The following DCC variants were observed in gnomAD, a reference collection of about 807,000 sequenced individuals.
The protein encoded by DCC is DCC netrin 1 receptor, also known as netrin receptor DCC.
In DCC, 58 loss-of-function variants were observed where a neutral mutation model predicts 172.5. That is an observed-to-expected ratio of 0.34 (90% CI 0.27 to 0.42). The LOEUF is 0.42. Among genes scored for constraint, DCC ranks in the 10% least tolerant of loss-of-function variants. The pLI is 1.00. For synonymous variants in DCC, 709 were observed against 644.5 expected (o/e 1.10, Z -1.52); for missense variants, 1,740 against 1,791.0 (o/e 0.97, Z 0.51).
At chr18:53,498,843 G>A (rs543404317) in intron 26 of DCC, among the ~76,000 whole-genome samples, 2 of 152,178 alleles carry the variant, frequency 1.3e-5, no homozygotes, top group Non-Finnish European at 2.9e-5. Context: ...TGAGCATCCT[G>A]TAACTCTGAT....
chr18:53,148,024 C>T (rs751805590), intron 7 of DCC, among the ~76,000 whole-genome samples: 2 of 152,128 alleles, frequency 1.3e-5, no homozygotes, highest in Non-Finnish European at 2.9e-5. Context: ...TTGAGTTTCT[C>T]ACTGGAAACA....
intron 11 of DCC, among the ~76,000 whole-genome samples, chr18:53,209,668 G>A (rs528913767): frequency 6.6e-6 from 1 of 152,272 alleles, no homozygotes; most frequent in East Asian, 1.9e-4. Context: ...CATTTTTAAT[G>A]TAATTCTTAG....
chr18:53,059,988 G>A (rs928063338), intron 5 of DCC, among the ~76,000 whole-genome samples: 2 of 151,798 alleles, frequency 1.3e-5, no homozygotes, highest in Non-Finnish European at 2.9e-5. Flanking sequence ...GTATATTTCA[G>A]AAAACATGAG....
intron 1 of DCC, among the ~76,000 whole-genome samples, chr18:52,699,795 C>T (rs550812238): frequency 2.2e-3 from 340 of 152,222 alleles, no homozygotes; most frequent in African/African-American, 8.0e-3. Flanking sequence ...TGTCAGCAGA[C>T]ATGAACTCTA....
chr18:52,983,134 A>G (rs890046687), intron 5 of DCC, among the ~76,000 whole-genome samples: 1 of 152,172 alleles, frequency 6.6e-6, no homozygotes, highest in Admixed American at 6.5e-5. Context: ...GAAGGCAACA[A>G]GTGAATATTA....
intron 12 of DCC, among the ~76,000 whole-genome samples, chr18:53,288,762 T>C (rs576708947): frequency 1.3e-5 from 2 of 152,182 alleles, no homozygotes; most frequent in Non-Finnish European, 2.9e-5. Flanking sequence ...TAAGTTGGAA[T>C]AAGTTGGGAA....
intron 27 of DCC, among the ~76,000 whole-genome samples, chr18:53,509,674 A>AAGTG (rs1403184171): frequency 2.0e-5 from 3 of 152,180 alleles, no homozygotes; most frequent in East Asian, 1.9e-4. Context: ...TTTTTCTAGC[A>AAGTG]AGTGAGTTCA....
intron 1 of DCC, among the ~76,000 whole-genome samples, chr18:52,670,396 G>C (rs978072627): frequency 2.0e-5 from 3 of 152,210 alleles, no homozygotes; most frequent in Non-Finnish European, 4.4e-5. Context: ...ATATGTCTAA[G>C]TAAAATGCTA....
chr18:52,426,574 C>T (rs891610025), intron 1 of DCC, among the ~76,000 whole-genome samples: 13 of 151,976 alleles, frequency 8.6e-5, no homozygotes, highest in South Asian at 8.3e-4. Flanking sequence ...CAGCAACCAC[C>T]GACAAAAACC....
At position 52,832,585 on chromosome 18, in the gene DCC, C is replaced by T. The variant is rs115477465; in HGVS notation, c.413-73459C>T. Among the ~76,000 whole-genome samples the T allele has an allele frequency of 3.6e-3, 552 of 152,168 alleles. 3 individuals carry two copies. Among genetic ancestry groups the T allele is most frequent in the African/African-American group, 0.012 (507 of 41,466 alleles). On this transcript the variant is annotated intron_variant, in intron 2 of 28. Coordinates refer to ENST00000442544, the MANE Select transcript of DCC (RefSeq NM_005215.4). ...TTAATAGCTTAACACAATTTCTTTC[C>T]AAATGTAGTCAGTTTCAATATTAAG...
At chr18:53,442,550 AAATTAGGCG>A (rs1417403391) in intron 22 of DCC, among the ~76,000 whole-genome samples, 2 of 152,146 alleles carry the variant, frequency 1.3e-5, no homozygotes, top group Admixed American at 1.3e-4. Context: ...AACACTGTTG[AAATTAGGCG>A]AATTAATAAC....
chr18:52,885,670 A>G (rs1165837594), intron 2 of DCC, among the ~76,000 whole-genome samples: 2 of 152,132 alleles, frequency 1.3e-5, no homozygotes, highest in Non-Finnish European at 2.9e-5. Context: ...CAAAGCTGGT[A>G]CCTAAAGTGC....
chr18:53,162,768 T>C (rs2054862752), intron 8 of DCC, among the ~76,000 whole-genome samples: 1 of 152,196 alleles, frequency 6.6e-6, no homozygotes, highest in African/African-American at 2.4e-5. Flanking sequence ...CTATGTACTT[T>C]TTATTTTTAT....
chr18:53,039,897 G>A (rs554908878), intron 5 of DCC, among the ~76,000 whole-genome samples: 1 of 151,956 alleles, frequency 6.6e-6, no homozygotes, highest in Admixed American at 6.6e-5. Context: ...CTACTGGAAT[G>A]TCCATTCCTT....
At chr18:53,494,648 T>G (rs751283913) in intron 26 of DCC, among the ~76,000 whole-genome samples, 1 of 152,230 alleles carries the variant, frequency 6.6e-6, no homozygotes, top group Non-Finnish European at 1.5e-5. Flanking sequence ...TGCTTTTTCT[T>G]GCTTTCCATT....
At chr18:52,468,002 A>G (rs1303192127) in intron 1 of DCC, among the ~76,000 whole-genome samples, 2 of 152,166 alleles carry the variant, frequency 1.3e-5, no homozygotes, top group Non-Finnish European at 2.9e-5. Context: ...TGTTTGAATG[A>G]TGAGCCCTAT....
chr18:52,600,746 G>A (rs566570699), intron 1 of DCC, among the ~76,000 whole-genome samples: 1 of 151,928 alleles, frequency 6.6e-6, no homozygotes, highest in African/African-American at 2.4e-5. Flanking sequence ...TTTTTAACTA[G>A]GCCACTTGTT....
At position 53,402,828 on chromosome 18, in the gene DCC, A is replaced by T. The variant is rs768556595; in HGVS notation, c.2870A>T (p.Glu957Val). Residue 957 changes from glutamate to valine, a missense_variant, in exon 19 of 29, where the codon GAA becomes GTA. Physicochemically the swap from Glu to Val is moderately radical, Grantham distance 121. This residue lies in a region of DCC where 1,732 missense variants were observed against 1,767.4 expected (regional missense o/e 0.98). Transcript: ENST00000442544. ...APKDLTVITR[E>V]GKPRAVIVSW... ...AAGGACTTGACAGTCATTACTAGGG[A>T]AGGGAAGCCTCGTGCCGTCATTGTG... 6.2e-6 allele frequency: 10 copies of T among 1,614,034 alleles called. No individual in the cohort carries two copies. Among genetic ancestry groups the T allele is most frequent in the Non-Finnish European group, 8.5e-6 (10 of 1,179,974 alleles).
chr18:52,989,810 C>A (rs2041354185), intron 5 of DCC, among the ~76,000 whole-genome samples: 1 of 152,110 alleles, frequency 6.6e-6, no homozygotes, highest in African/African-American at 2.4e-5. Flanking sequence ...GCTACTAGGA[C>A]TGGAGTAGCA....
Sources: allele counts gnomAD v4.1 joint callset (sites outside exome capture counted in the v4.1 genomes callset), GRCh38; gene constraint gnomAD v4.1.1; regional missense constraint gnomAD v4.1.1; transcripts MANE v1.5; gene names NCBI Gene and HGNC (gene_info 2026-07-23, HGNC 2026-07-21).